The following TIA1 variants were observed in gnomAD, a reference collection of about 807,000 sequenced individuals.
TIA1 encodes the protein TIA1 cytotoxic granule associated RNA binding protein.
In TIA1, 23 loss-of-function variants were observed where a neutral mutation model predicts 65.9. The ratio of observed to expected loss-of-function variants is 0.35; its 90% CI spans 0.25 to 0.49. The LOEUF is 0.49. Among genes scored for constraint, TIA1 ranks in the 20% least tolerant of loss-of-function variants. The probability of loss-of-function intolerance (pLI) is 0.98; values close to 1 mark genes in which losing one functional copy is unlikely to be tolerated. For synonymous variants in TIA1, 147 were observed against 149.4 expected (o/e 0.98, Z 0.12); for missense variants, 371 against 477.9 (o/e 0.78, Z 2.09).
Position 70,210,071 on chromosome 2 carries a change from C to G in TIA1, c.*2648G>C, listed in dbSNP as rs1241787812. The G allele has an allele frequency of 4.8e-6, 1 of 208,690 alleles. No homozygotes were observed. Among genetic ancestry groups the G allele is most frequent in the East Asian group, 1.0e-4 (1 of 9,608 alleles). 12.9% of individuals were successfully genotyped at this position (208,690 alleles called of 1,614,324 possible). A position where few individuals can be genotyped will look rare whatever the true frequency, so the allele number is the denominator to read the frequency against. On this transcript the variant is annotated 3_prime_UTR_variant, in exon 13 of 13. Coordinates refer to ENST00000433529, the MANE Select transcript of TIA1 (RefSeq NM_022173.4). ...AATGCCAATTCCATTTGGTGTTAAA[C>G]AGTAACCCAATATAAACCACTGATT...
chr2:70,217,716 C>A lies in TIA1; in HGVS notation c.475-722G>T, dbSNP rs147854477. Among the ~76,000 whole-genome samples the A allele has an allele frequency of 7.3e-3, 1,106 of 152,116 alleles. 7 individuals carry two copies. The highest frequency in any genetic ancestry group is 0.012 in the Admixed American group (183 of 15,264). On this transcript the variant is annotated intron_variant, in intron 7 of 12. Transcript: ENST00000433529. ...CCGGCCCTGGTCTCAAACTTCTGACCTCAAGTGATCTGTCCACCTCAGCTT... is the reference window on the plus strand; with the variant it reads ...CCGGCCCTGGTCTCAAACTTCTGACATCAAGTGATCTGTCCACCTCAGCTT...
At chr2:70,235,841 C>T (rs891336465) in intron 2 of TIA1, among the ~76,000 whole-genome samples, 3 of 152,108 alleles carry the variant, frequency 2.0e-5, no homozygotes, top group African/African-American at 7.2e-5. Context: ...GTTCTATTGT[C>T]ATCTTCCATC....
rs1164433933 is a variant in TIA1, at chr2:70,214,499, T to C, written c.889-5A>G. The C allele has an allele frequency of 6.2e-7, 1 of 1,605,094 alleles. No individual in the cohort carries two copies. The highest frequency in any genetic ancestry group is 1.7e-5 in the Admixed American group (1 of 58,410). On this transcript the variant is annotated splice_region_variant and splice_polypyrimidine_tract_variant and intron_variant, in intron 11 of 12. Transcript: ENST00000433529. Reference sequence around the variant, plus strand: ...GGGATATCCAATTTGATTCTGCTATTAAATAAAATTTAGTATTACTTGAAG... The same window carrying C: ...GGGATATCCAATTTGATTCTGCTATCAAATAAAATTTAGTATTACTTGAAG...
intron 1 of TIA1, among the ~76,000 whole-genome samples, chr2:70,242,627 T>C (rs1692399079): frequency 6.6e-6 from 1 of 151,920 alleles, no homozygotes; most frequent in Non-Finnish European, 1.5e-5. Context: ...TTAGTTGGTA[T>C]CTACCATCTA....
intron 7 of TIA1, among the ~76,000 whole-genome samples, chr2:70,223,604 G>A (rs1029002953): frequency 2.0e-5 from 3 of 151,652 alleles, no homozygotes; most frequent in Admixed American, 2.0e-4. Flanking sequence ...TGTAGAGATG[G>A]GGTTTTGCCA....
chr2:70,248,050 G>A (rs567089626), intron 1 of TIA1, among the ~76,000 whole-genome samples: 1 of 152,194 alleles, frequency 6.6e-6, no homozygotes, highest in Admixed American at 6.6e-5. Flanking sequence ...GGGGAGAAGC[G>A]GGAAAAGGAA....
At chr2:70,241,655 G>A (rs1691796497) in intron 1 of TIA1, among the ~76,000 whole-genome samples, 1 of 151,846 alleles carries the variant, frequency 6.6e-6, no homozygotes, top group African/African-American at 2.4e-5. Flanking sequence ...CTTCCAAAGT[G>A]TCGGTAGGGT....
intron 1 of TIA1, among the ~76,000 whole-genome samples, chr2:70,243,737 A>G (rs1042214924): frequency 4.6e-5 from 7 of 152,236 alleles, no homozygotes; most frequent in African/African-American, 7.2e-5. Flanking sequence ...ACATTTTAAA[A>G]TAAATCCATT....
At chr2:70,236,981 T>C (rs1467517608) in intron 1 of TIA1, among the ~76,000 whole-genome samples, 4 of 152,260 alleles carry the variant, frequency 2.6e-5, no homozygotes, top group Non-Finnish European at 5.9e-5. Flanking sequence ...GTTTCTAAAG[T>C]TGTTCATTAA....
chr2:70,220,665 A>G (rs1011678608), intron 7 of TIA1, among the ~76,000 whole-genome samples: 2 of 152,118 alleles, frequency 1.3e-5, no homozygotes, highest in South Asian at 2.1e-4. Flanking sequence ...TAAGCCATCC[A>G]GTTTATGATA....
At chr2:70,214,520 T>G in intron 11 of TIA1, 26 bp from the exon 12 acceptor site, 1 of 1,575,358 alleles carries the variant, frequency 6.3e-7, no homozygotes, top group South Asian at 1.2e-5. Context: ...TAGTATTACT[T>G]GAAGTTAACT....
chr2:70,236,047 A>AT, intron 2 of TIA1, 32 bp downstream of exon 2: 2 of 1,337,642 alleles, frequency 1.5e-6, no homozygotes, highest in Non-Finnish European at 2.1e-6. Context: ...AAAAAAAAAA[A>AT]GAATAAAGTT....
At chr2:70,212,923 AAG>A in intron 12 of TIA1, 78 bp from the exon 13 acceptor site, 1 of 907,088 alleles carries the variant, frequency 1.1e-6, no homozygotes, top group East Asian at 2.5e-5. Flanking sequence ...AACAAACAAC[AAG>A]AACAAATATG....
intron 2 of TIA1, among the ~76,000 whole-genome samples, chr2:70,231,173 G>C (rs1686107107): frequency 1.3e-5 from 2 of 152,130 alleles, no homozygotes; most frequent in Admixed American, 6.5e-5. Context: ...ATGGTGGCAG[G>C]CTCCTGTAAT....
At chr2:70,214,922 T>C (rs1470604723) in intron 11 of TIA1, among the ~76,000 whole-genome samples, 8 of 152,212 alleles carry the variant, frequency 5.3e-5, no homozygotes, top group Non-Finnish European at 1.2e-4. Flanking sequence ...CCATTTACAG[T>C]TTCCTCATAG....
At chr2:70,229,185 G>C (rs757184603) in intron 4 of TIA1, 79 bp downstream of exon 4, 1 of 1,582,574 alleles carries the variant, frequency 6.3e-7, no homozygotes, top group East Asian at 2.2e-5. Flanking sequence ...CTGCAAACAT[G>C]TATGATGTTT....
At chr2:70,241,770 C>T (rs1299189584) in intron 1 of TIA1, among the ~76,000 whole-genome samples, 2 of 151,850 alleles carry the variant, frequency 1.3e-5, no homozygotes, top group African/African-American at 4.8e-5. Flanking sequence ...TGATATGCAC[C>T]GTCTCTACAA....
chr2:70,242,941 TG>T (rs1692568256), intron 1 of TIA1, among the ~76,000 whole-genome samples: 1 of 152,290 alleles, frequency 6.6e-6, no homozygotes, highest in African/African-American at 2.4e-5. Context: ...GGCTGGGGAC[TG>T]CTAGTCTAGA....
chr2:70,237,989 G>A (rs909814172), intron 1 of TIA1, among the ~76,000 whole-genome samples: 4 of 151,496 alleles, frequency 2.6e-5, no homozygotes, highest in East Asian at 2.0e-4. Context: ...ATGAAACCTC[G>A]TCTCTAATAA....
Sources: gnomAD v4.1 joint callset for allele counts (sites outside exome capture counted in the v4.1 genomes callset) on GRCh38, gnomAD v4.1.1 for gene constraint, MANE v1.5 for transcripts, NCBI Gene and HGNC (gene_info 2026-07-23, HGNC 2026-07-21) for gene names.